SNX10: variants seen among roughly 807,000 people sequenced by gnomAD.
SNX10 encodes the protein sorting nexin-10.
Under a neutral mutation model 28.5 loss-of-function variants are expected in SNX10, and 25 were observed. That is an observed-to-expected ratio of 0.88 (90% confidence interval 0.64 to 1.22). The LOEUF is 1.22. Among genes scored for constraint, SNX10 ranks in the 50% most tolerant of loss-of-function variants. The pLI is 0.00. For missense variants in SNX10, 223 were observed against 242.6 expected (o/e 0.92, Z 0.54); for synonymous variants, 62 against 81.4 (o/e 0.76, Z 1.28).
intron 1 of SNX10, among the ~76,000 whole-genome samples, chr7:26,310,385 C>G (rs1786780095): frequency 6.6e-6 from 1 of 152,170 alleles, no homozygotes. Flanking sequence ...TGGGCAAGGT[C>G]CCTGCCCTCA....
intron 1 of SNX10, among the ~76,000 whole-genome samples, chr7:26,308,152 G>A (rs1786668690): frequency 1.3e-5 from 2 of 152,172 alleles, no homozygotes; most frequent in African/African-American, 4.8e-5. Flanking sequence ...CAGTGTTTGG[G>A]TGTTTTAGGC....
At chr7:26,368,798 T>C (rs1212824420) in intron 5 of SNX10, among the ~76,000 whole-genome samples, 1 of 152,198 alleles carries the variant, frequency 6.6e-6, no homozygotes, top group East Asian at 1.9e-4. Context: ...TTATTTTTTC[T>C]TATAGTAAGA....
At chr7:26,294,060 C>T (rs1786022943) in intron 1 of SNX10, among the ~76,000 whole-genome samples, 1 of 152,166 alleles carries the variant, frequency 6.6e-6, no homozygotes, top group African/African-American at 2.4e-5. Flanking sequence ...TTCACAACCA[C>T]TTGGTGAAAG....
At chr7:26,301,599 C>T (rs1331532704) in intron 1 of SNX10, among the ~76,000 whole-genome samples, 1 of 152,152 alleles carries the variant, frequency 6.6e-6, no homozygotes, top group African/African-American at 2.4e-5. Context: ...CTTCCAGGAA[C>T]ATTTTGTGTT....
chr7:26,339,685 T>G (rs55648465), intron 1 of SNX10, among the ~76,000 whole-genome samples: 30,993 of 151,694 alleles, frequency 0.2, 3,776 homozygotes, highest in South Asian at 0.41. Context: ...TAGCTGGGAT[T>G]ACAGGCGCCT....
At chr7:26,311,304 T>C (rs1036023364) in intron 1 of SNX10, among the ~76,000 whole-genome samples, 4 of 152,172 alleles carry the variant, frequency 2.6e-5, no homozygotes, top group Admixed American at 1.3e-4. Flanking sequence ...CTTGCGCCAC[T>C]AGGCCTGGCT....
At chr7:26,356,661 C>A (rs549276251) in intron 2 of SNX10, among the ~76,000 whole-genome samples, 23 of 152,102 alleles carry the variant, frequency 1.5e-4, no homozygotes, top group Non-Finnish European at 3.2e-4. Context: ...TATTTTAACT[C>A]CCACTAGGCC....
At chr7:26,307,419 C>T (rs1006229799) in intron 1 of SNX10, among the ~76,000 whole-genome samples, 72 of 152,148 alleles carry the variant, frequency 4.7e-4, no homozygotes, top group African/African-American at 1.7e-3. Flanking sequence ...CAATCATGCC[C>T]TGTGTCCAAG....
At chr7:26,318,700 G>T (rs1317163099) in intron 1 of SNX10, among the ~76,000 whole-genome samples, 1 of 152,172 alleles carries the variant, frequency 6.6e-6, no homozygotes, top group Non-Finnish European at 1.5e-5. Flanking sequence ...TCGAACTTGA[G>T]ACTCAAGTGA....
At chr7:26,345,929 C>G (rs193275962) in intron 1 of SNX10, among the ~76,000 whole-genome samples, 1 of 152,102 alleles carries the variant, frequency 6.6e-6, no homozygotes. Flanking sequence ...GGCTTTATCC[C>G]GCTGAGGGCC....
At chr7:26,300,045 T>C (rs1336473274) in intron 1 of SNX10, among the ~76,000 whole-genome samples, 1 of 151,954 alleles carries the variant, frequency 6.6e-6, no homozygotes, top group Admixed American at 6.6e-5. Flanking sequence ...ACCCTATCTC[T>C]ACTAAAAATA....
intron 1 of SNX10, among the ~76,000 whole-genome samples, chr7:26,338,456 C>G (rs964287515): frequency 1.3e-5 from 2 of 151,386 alleles, no homozygotes; most frequent in Non-Finnish European, 2.9e-5. Context: ...GACTGCATCT[C>G]GCTCTGTTGC....
intron 1 of SNX10, among the ~76,000 whole-genome samples, chr7:26,335,376 A>G (rs986222307): frequency 1.3e-5 from 2 of 152,208 alleles, no homozygotes; most frequent in African/African-American, 2.4e-5. Flanking sequence ...CACCAAATGT[A>G]GTAATATTTC....
chr7:26,322,475 C>A (rs1787347880), intron 1 of SNX10, among the ~76,000 whole-genome samples: 1 of 152,128 alleles, frequency 6.6e-6, no homozygotes, highest in African/African-American at 2.4e-5. Flanking sequence ...AGTGCATTGT[C>A]TTTCTTTTCC....
chr7:26,354,310 T>G (rs1241440719), intron 2 of SNX10: 1 of 152,178 alleles, frequency 6.6e-6, no homozygotes, highest in African/African-American at 2.4e-5. Flanking sequence ...TTCATATCTT[T>G]TGCTTGTTTT....
intron 2 of SNX10, among the ~76,000 whole-genome samples, chr7:26,351,685 C>T (rs189796006): frequency 0.018 from 2,145 of 122,444 alleles, 25 homozygotes; most frequent in Admixed American, 0.024. Context: ...GAGACCGAGT[C>T]TCTCTCTGTC....
intron 1 of SNX10, chr7:26,293,256 A>G (rs1359178725): frequency 6.6e-6 from 1 of 152,236 alleles, no homozygotes; most frequent in African/African-American, 2.4e-5. Flanking sequence ...GCTGGATTGC[A>G]GTGGTGCGAT....
At chr7:26,294,185 T>G (rs1786026231) in intron 1 of SNX10, among the ~76,000 whole-genome samples, 1 of 152,180 alleles carries the variant, frequency 6.6e-6, no homozygotes, top group African/African-American at 2.4e-5. Context: ...CCCCCAAATT[T>G]AGCATTGTTA....
intron 1 of SNX10, among the ~76,000 whole-genome samples, chr7:26,345,667 C>A (rs1165141563): frequency 6.6e-6 from 1 of 152,208 alleles, no homozygotes; most frequent in Admixed American, 6.5e-5. Flanking sequence ...CAGACACATA[C>A]TGATATTATC....
Sources: allele counts gnomAD v4.1 joint callset (sites outside exome capture counted in the v4.1 genomes callset), GRCh38; gene constraint gnomAD v4.1.1; transcripts MANE v1.5; gene names NCBI Gene and HGNC (gene_info 2026-07-23, HGNC 2026-07-21).